Variants in PDE8A observed in about 807,000 individuals in gnomAD.
PDE8A encodes the protein phosphodiesterase 8A.
In PDE8A, 59 loss-of-function variants were observed where a neutral mutation model predicts 105.0. The ratio of observed to expected loss-of-function variants is 0.56; its 90% CI spans 0.46 to 0.70. The LOEUF (loss-of-function observed/expected upper bound fraction) is 0.70. Ranked by LOEUF, PDE8A falls within the 30% of genes least tolerant of loss-of-function variation. The probability of loss-of-function intolerance (pLI) is 0.00; values close to 1 mark genes in which losing one functional copy is unlikely to be tolerated. For missense variants in PDE8A, 1,014 were observed against 1,045.9 expected (o/e 0.97, Z 0.42); for synonymous variants, 355 against 371.9 (o/e 0.95, Z 0.52).
chr15:85,075,801 G>T, intron 3 of PDE8A, 61 bp from the exon 4 acceptor site: 1 of 873,474 alleles, frequency 1.1e-6, no homozygotes, highest in Non-Finnish European at 1.8e-6. Flanking sequence ...AATTGTTTAA[G>T]TATATTTGGT....
intron 3 of PDE8A, among the ~76,000 whole-genome samples, chr15:85,073,982 C>T (rs1409431783): frequency 6.6e-6 from 1 of 152,178 alleles, no homozygotes; most frequent in Admixed American, 6.5e-5. Flanking sequence ...CCAGCAGAGC[C>T]ATGCAGCACC....
chr15:85,068,563 T>C (rs1183038395), intron 3 of PDE8A, among the ~76,000 whole-genome samples: 1 of 150,570 alleles, frequency 6.6e-6, no homozygotes, highest in East Asian at 1.9e-4. Flanking sequence ...CCAGTATCCC[T>C]TTTATCCCTA....
intron 1 of PDE8A, among the ~76,000 whole-genome samples, chr15:84,982,671 C>T (rs1373671139): frequency 1.3e-5 from 2 of 152,180 alleles, no homozygotes; most frequent in African/African-American, 4.8e-5. Context: ...TCAATTTCCT[C>T]TCCAAGAGCG....
intron 3 of PDE8A, among the ~76,000 whole-genome samples, chr15:85,073,374 T>C (rs1290176177): frequency 6.6e-6 from 1 of 152,220 alleles, no homozygotes; most frequent in Non-Finnish European, 1.5e-5. Context: ...CCAGAAAAGG[T>C]CCCAGTATGT....
intron 19 of PDE8A, 144 bp downstream of exon 19, chr15:85,123,337 TACACACACACACACACACACAC>T (rs58421452): frequency 0.019 from 6,365 of 328,462 alleles, 28 homozygotes; most frequent in East Asian, 0.08. Flanking sequence ...ACTAATGGGA[TACACACACACACACACACACAC>T]ACACACACAC....
At chr15:85,050,616 T>C (rs1250073065) in intron 1 of PDE8A, among the ~76,000 whole-genome samples, 2 of 152,224 alleles carry the variant, frequency 1.3e-5, no homozygotes, top group Admixed American at 1.3e-4. Flanking sequence ...TAAAAATTAT[T>C]TGACCCTATA....
Position 85,045,018 on chromosome 15 carries a change from T to C in PDE8A, c.187-19352T>C, listed in dbSNP as rs867009246. The stretch of plus-strand genomic sequence containing the variant: ...CATCTCTTGACCTTCTTCCTCTTTG[T>C]TTCCTCCAGTGTCCCACCTTATTTC... On this transcript the variant is annotated intron_variant, in intron 1 of 21. Transcript: ENST00000394553. 1.4e-4 allele frequency among the ~76,000 whole-genome samples: 22 copies of C among 152,324 alleles called. No individual in the cohort carries two copies. In the Middle Eastern group the frequency reaches 0.01, roughly 71 times the overall value.
At chr15:85,030,749 C>T (rs1472493790) in intron 1 of PDE8A, among the ~76,000 whole-genome samples, 1 of 152,170 alleles carries the variant, frequency 6.6e-6, no homozygotes, top group African/African-American at 2.4e-5. Flanking sequence ...TCATGTCCCT[C>T]TTCTTATCTG....
intron 1 of PDE8A, 127 bp downstream of exon 1, chr15:84,982,475 G>C: frequency 1.9e-6 from 1 of 513,660 alleles, no homozygotes; most frequent in Admixed American, 4.4e-5. Flanking sequence ...GCTTTGGATG[G>C]TTCTGATTGA....
chr15:85,085,050 C>T (rs1324645524), intron 6 of PDE8A, among the ~76,000 whole-genome samples: 1 of 152,198 alleles, frequency 6.6e-6, no homozygotes. Flanking sequence ...TCATTCTCCA[C>T]ACAGACGTAA....
chr15:85,064,440 A>T lies in PDE8A; in HGVS notation c.243+14A>T. ...GATCAACTTCAGGTAATAATGAACG[A>T]TGCTGTATTTTTCACATGCTGATTT... On this transcript the variant is annotated intron_variant, in intron 2 of 21. Transcript: ENST00000394553. 3.8e-6 allele frequency: 6 copies of T among 1,571,976 alleles called. No homozygotes were observed. Among genetic ancestry groups the T allele is most frequent in the Non-Finnish European group, 5.2e-6 (6 of 1,143,328 alleles).
Position 85,064,202 on chromosome 15 carries a change from A to C in PDE8A, c.187-168A>C. On this transcript the variant is annotated intron_variant, in intron 1 of 21. Coordinates refer to ENST00000394553, the MANE Select transcript of PDE8A (RefSeq NM_002605.3). ...CTCCCCACTTTTCCTGGGGGCTATA[A>C]GGAGATCCTTAGGATTCCTCATAAT... The C allele has an allele frequency of 1.7e-5, 9 of 529,192 alleles. No homozygotes were observed. The South Asian group carries it at 2.4e-4, about 14-fold the overall frequency. 32.8% of individuals were successfully genotyped at this position (529,192 alleles called of 1,614,324 possible).
At chr15:85,106,921 T>C (rs2081956028) in intron 11 of PDE8A, among the ~76,000 whole-genome samples, 1 of 152,132 alleles carries the variant, frequency 6.6e-6, no homozygotes, top group African/African-American at 2.4e-5. Flanking sequence ...GAAGCAGATG[T>C]GTATTTATTG....
chr15:85,114,485 A>G (rs1271561989), intron 14 of PDE8A, among the ~76,000 whole-genome samples: 3 of 152,174 alleles, frequency 2.0e-5, no homozygotes, highest in Non-Finnish European at 4.4e-5. Context: ...TGACTGTAGG[A>G]AAGAGGGATT....
chr15:85,016,228 A>G (rs1449150542), intron 1 of PDE8A, among the ~76,000 whole-genome samples: 1 of 152,144 alleles, frequency 6.6e-6, no homozygotes, highest in Non-Finnish European at 1.5e-5. Context: ...ATTTCCCCTA[A>G]TATCTTCTGG....
rs190595493 is a variant in PDE8A, at chr15:84,997,010, A to G, written c.186+14662A>G. On this transcript the variant is annotated intron_variant, in intron 1 of 21. Coordinates refer to ENST00000394553, the MANE Select transcript of PDE8A (RefSeq NM_002605.3). ...ACACTGTACACTTAGGCTACACTAA[A>G]TTTGTTTTAAAAATTTTTATTTCTT... is the stretch of plus-strand genomic sequence containing the variant. Among the ~76,000 whole-genome samples, 25 of 152,152 alleles carry G rather than the reference A, an allele frequency of 1.6e-4. No homozygotes were observed. In the East Asian group the frequency reaches 4.8e-3, roughly 29 times the overall value.
rs539824168 is a variant in PDE8A, at chr15:85,099,341, G to A, written c.942-674G>A. ...CCTCAGCACTGACTGCACAGCTCAC[G>A]TGCTTTGTCACCAGGCTTTGCTGCC... On this transcript the variant is annotated intron_variant, in intron 9 of 21. Transcript: ENST00000394553. Among the ~76,000 whole-genome samples the A allele has an allele frequency of 3.3e-5, 5 of 152,368 alleles. No individual in the cohort carries two copies. In the East Asian group the frequency reaches 5.8e-4, roughly 18 times the overall value.
chr15:84,981,470 C>A (rs1198521095), upstream of PDE8A, among the ~76,000 whole-genome samples: 3 of 152,216 alleles, frequency 2.0e-5, no homozygotes, highest in East Asian at 1.9e-4. Context: ...CCCCAGGCCC[C>A]GCTGGAGCCG....
At chr15:85,029,285 A>T (rs1391665278) in intron 1 of PDE8A, among the ~76,000 whole-genome samples, 1 of 152,118 alleles carries the variant, frequency 6.6e-6, no homozygotes, top group East Asian at 1.9e-4. Flanking sequence ...CTTATTGTTA[A>T]AATATATTTT....
Sources: gnomAD v4.1 joint callset for allele counts (sites outside exome capture counted in the v4.1 genomes callset) on GRCh38, gnomAD v4.1.1 for gene constraint, MANE v1.5 for transcripts, NCBI Gene and HGNC (gene_info 2026-07-23, HGNC 2026-07-21) for gene names.